Variants in DSCAM observed in about 807,000 individuals in gnomAD.
DSCAM encodes the protein DS cell adhesion molecule, also known as cell adhesion molecule DSCAM.
DSCAM carries 47 observed loss-of-function variants against 217.7 expected under a neutral mutation model. The observed-to-expected ratio is 0.22, with a 90% confidence interval of 0.17 to 0.28. DSCAM has a LOEUF of 0.28. Among genes scored for constraint, DSCAM ranks in the 10% least tolerant of loss-of-function variants. The probability of loss-of-function intolerance (pLI) is 1.00; values close to 1 mark genes in which losing one functional copy is unlikely to be tolerated. For synonymous variants in DSCAM, 1,056 were observed against 1,015.3 expected (o/e 1.04, Z -0.76); for missense variants, 2,080 against 2,618.3 (o/e 0.79, Z 4.49).
chr21:40,221,820 G>A (rs2091291554), intron 11 of DSCAM, among the ~76,000 whole-genome samples: 1 of 152,162 alleles, frequency 6.6e-6, no homozygotes. Flanking sequence ...CTAAGCAGTG[G>A]AAATCATTTC....
At chr21:40,583,700 A>G (rs1264729259) in intron 3 of DSCAM, among the ~76,000 whole-genome samples, 1 of 152,206 alleles carries the variant, frequency 6.6e-6, no homozygotes, top group Non-Finnish European at 1.5e-5. Flanking sequence ...ATAAACACCC[A>G]GAGTGAACCT....
intron 6 of DSCAM, among the ~76,000 whole-genome samples, chr21:40,342,226 T>G (rs1452979808): frequency 6.6e-6 from 1 of 152,176 alleles, no homozygotes; most frequent in Non-Finnish European, 1.5e-5. Context: ...TATCTTATAA[T>G]GATCTGATAC....
intron 3 of DSCAM, among the ~76,000 whole-genome samples, chr21:40,667,395 T>G (rs929429900): frequency 2.0e-5 from 3 of 152,348 alleles, no homozygotes; most frequent in Non-Finnish European, 4.4e-5. Context: ...TGATTTCTAT[T>G]TGTATTTAAA....
chr21:40,352,459 G>C (rs1303479008), intron 5 of DSCAM, among the ~76,000 whole-genome samples: 1 of 152,084 alleles, frequency 6.6e-6, no homozygotes, highest in African/African-American at 2.4e-5. Context: ...GCCTGTTCCA[G>C]ATAGAGAGTC....
intron 8 of DSCAM, among the ~76,000 whole-genome samples, chr21:40,325,721 A>G (rs1195354294): frequency 1.3e-5 from 2 of 152,228 alleles, no homozygotes; most frequent in Non-Finnish European, 1.5e-5. Flanking sequence ...AAATTAAAAC[A>G]AAGAGCTCCT....
intron 1 of DSCAM, among the ~76,000 whole-genome samples, chr21:40,740,806 G>C (rs1023297166): frequency 6.6e-6 from 1 of 152,180 alleles, no homozygotes. Flanking sequence ...GAGATAAGTG[G>C]CACAGTTCTG....
rs935780894 is a variant in DSCAM at position 40,133,982 on chromosome 21, G to C, written c.3434C>G (p.Thr1145Ser). ...GTCCAGCTCCAGTGAAGGCTGTGTG[G>C]TGGTGATGTTTTTAATCTCACCCAG... ...GELGEIKNIT[T>S]TQPSLELDGL... The change falls in exon 19 of 33, where the codon ACC becomes AGC. Residue 1145 changes from threonine to serine, a missense_variant. By Grantham distance (58) the Thr-to-Ser change is moderately conservative (BLOSUM62 1). Coordinates refer to ENST00000400454, the MANE Select transcript of DSCAM (RefSeq NM_001389.5). 1 of 1,612,070 alleles carries C rather than the reference G, an allele frequency of 6.2e-7. No individual in the cohort carries two copies. The highest frequency in any genetic ancestry group is 1.3e-5 in the African/African-American group (1 of 74,830).
At chr21:40,554,240 A>G (rs1039311456) in intron 3 of DSCAM, among the ~76,000 whole-genome samples, 1 of 151,422 alleles carries the variant, frequency 6.6e-6, no homozygotes, top group Admixed American at 6.6e-5. Flanking sequence ...GGATTAAACG[A>G]ATTAAAAACA....
At chr21:40,329,167 C>A (rs963126053) in intron 8 of DSCAM, among the ~76,000 whole-genome samples, 1 of 152,158 alleles carries the variant, frequency 6.6e-6, no homozygotes, top group African/African-American at 2.4e-5. Context: ...ACTGGGTATA[C>A]ATGAAAAGGA....
chr21:40,397,660 C>A (rs1006691380), intron 3 of DSCAM, among the ~76,000 whole-genome samples: 1 of 152,100 alleles, frequency 6.6e-6, no homozygotes, highest in African/African-American at 2.4e-5. Context: ...CTAGACTGAA[C>A]CCCTAGTGTT....
At position 40,101,917 on chromosome 21, in the gene DSCAM, C is replaced by T. The variant is rs572329751; in HGVS notation, c.3697-8043G>A. On this transcript the variant is annotated intron_variant, in intron 20 of 32. Coordinates refer to ENST00000400454, the MANE Select transcript of DSCAM (RefSeq NM_001389.5). ...TTGGACTATCGTTCTCTCCTTTGGG[C>T]TGTGGGAAGAAAATCTAGGCAAAAG... 5.9e-5 allele frequency among the ~76,000 whole-genome samples: 9 copies of T among 152,136 alleles called. No homozygotes were observed. In the East Asian group the frequency reaches 1.7e-3, roughly 29 times the overall value.
chr21:40,512,771 C>G (rs2076270079), intron 3 of DSCAM, among the ~76,000 whole-genome samples: 1 of 152,066 alleles, frequency 6.6e-6, no homozygotes, highest in Admixed American at 6.6e-5. Context: ...GCAAGGCCTC[C>G]CCCGAGACCC....
At chr21:40,526,994 T>C (rs1004088351) in intron 3 of DSCAM, among the ~76,000 whole-genome samples, 5 of 152,136 alleles carry the variant, frequency 3.3e-5, no homozygotes, top group African/African-American at 1.2e-4. Context: ...TTGCACTGCC[T>C]GGTGTGGCTT....
At chr21:40,217,130 T>G (rs2091250677) in intron 11 of DSCAM, among the ~76,000 whole-genome samples, 1 of 152,208 alleles carries the variant, frequency 6.6e-6, no homozygotes, top group South Asian at 2.1e-4. Flanking sequence ...TCAAGATTAT[T>G]TTATATTTGA....
chr21:40,769,883 C>T (rs2091429583), intron 1 of DSCAM, among the ~76,000 whole-genome samples: 1 of 152,164 alleles, frequency 6.6e-6, no homozygotes, highest in Admixed American at 6.5e-5. Context: ...TGCCCCTTAC[C>T]CTTGATGTCT....
chr21:40,125,995 TGA>T (rs1330501106), intron 19 of DSCAM, among the ~76,000 whole-genome samples: 1 of 152,164 alleles, frequency 6.6e-6, no homozygotes, highest in African/African-American at 2.4e-5. Context: ...ACCAACCAGT[TGA>T]ATGGCTGCTG....
Position 40,167,237 on chromosome 21 carries a change from C to T in DSCAM, c.2999G>A (p.Ser1000Asn), listed in dbSNP as rs756420683. 1 of 1,613,804 alleles carries T rather than the reference C, an allele frequency of 6.2e-7. No homozygotes were observed. The highest frequency in any genetic ancestry group is 1.7e-5 in the Admixed American group (1 of 59,972). ...GTTTACCTTCCATGTGACCCTGATG[C>T]TCTGAGATGATATAGGCTCCAGGTG... ...EVHLEPISSQ[S>N]IRVTWKAPKK... Residue 1000 changes from serine to asparagine, a missense_variant, in exon 16 of 33, where the codon AGC (serine) becomes AAC (asparagine). Coordinates refer to ENST00000400454, the MANE Select transcript of DSCAM (RefSeq NM_001389.5).
At position 40,276,010 on chromosome 21, in the gene DSCAM, A is replaced by G. The variant is rs552900641; in HGVS notation, c.2356+87T>C. The G allele has an allele frequency of 8.3e-6, 11 of 1,321,540 alleles. 1 individual carries two copies. In the African/African-American group the frequency reaches 1.5e-4, roughly 18 times the overall value. The allele number at this position is 1,321,540 out of a possible 1,614,324, so 81.9% of individuals were successfully genotyped here. On this transcript the variant is annotated intron_variant, in intron 11 of 32. Transcript: ENST00000400454. ...GTCTTCTTTTGTGTTGCTTTTAAAC[A>G]GGTATGTATGGAGACAATTGAAAAA...
chr21:40,413,558 C>T (rs1422218547), intron 3 of DSCAM, among the ~76,000 whole-genome samples: 1 of 152,176 alleles, frequency 6.6e-6, no homozygotes, highest in Non-Finnish European at 1.5e-5. Context: ...TCCTATTTCT[C>T]TTGATTCAAT....
Sources: gnomAD v4.1 joint callset for allele counts (sites outside exome capture counted in the v4.1 genomes callset) on GRCh38, gnomAD v4.1.1 for gene constraint, MANE v1.5 for transcripts, NCBI Gene and HGNC (gene_info 2026-07-23, HGNC 2026-07-21) for gene names.